The following POT1 variants were observed in gnomAD, a reference collection of about 807,000 sequenced individuals.
The protein encoded by POT1 is protection of telomeres 1.
POT1 carries 47 observed loss-of-function variants against 78.5 expected under a neutral mutation model. The ratio of observed to expected loss-of-function variants is 0.60; its 90% CI spans 0.47 to 0.76. The LOEUF (loss-of-function observed/expected upper bound fraction) is 0.76. POT1 is among the 30% of genes least tolerant of loss of function. The pLI, the probability that POT1 is intolerant of heterozygous loss-of-function variation, is 0.00. For synonymous variants in POT1, 259 were observed against 260.7 expected (o/e 0.99, Z 0.06); for missense variants, 646 against 749.9 (o/e 0.86, Z 1.62).
chr7:124,918,702 A>G (rs1797075785), intron 2 of POT1, among the ~76,000 whole-genome samples: 1 of 152,156 alleles, frequency 6.6e-6, no homozygotes, highest in Non-Finnish European at 1.5e-5. Context: ...GATGTCCCAG[A>G]ATTACATGTT....
chr7:124,909,954 C>T (rs1482449144), intron 3 of POT1, among the ~76,000 whole-genome samples: 1 of 151,848 alleles, frequency 6.6e-6, no homozygotes, highest in Non-Finnish European at 1.5e-5. Context: ...AAACACATCT[C>T]TAAAATATCC....
At chr7:124,861,523 G>C (rs1328306190) in intron 8 of POT1, among the ~76,000 whole-genome samples, 5 of 132,596 alleles carry the variant, frequency 3.8e-5, no homozygotes, top group Admixed American at 7.7e-5. Flanking sequence ...TGGACAGATT[G>C]CAAAAATTTT....
chr7:124,829,839 A>C (rs1398250660), intron 15 of POT1, among the ~76,000 whole-genome samples: 6 of 151,992 alleles, frequency 3.9e-5, no homozygotes, highest in Admixed American at 3.9e-4. Flanking sequence ...AGCTAGAACC[A>C]CAGTTGCACA....
intron 9 of POT1, among the ~76,000 whole-genome samples, chr7:124,857,888 A>C (rs1197754741): frequency 6.6e-6 from 1 of 152,122 alleles, no homozygotes; most frequent in Non-Finnish European, 1.5e-5. Context: ...GACAGAGCTA[A>C]AACAGTACTG....
intron 6 of POT1, among the ~76,000 whole-genome samples, chr7:124,879,617 C>T (rs1333952208): frequency 1.3e-5 from 2 of 151,870 alleles, no homozygotes; most frequent in Admixed American, 6.6e-5. Context: ...AGGGGGCTAC[C>T]GTTATTTAAG....
At chr7:124,843,531 G>A (rs1795082979) in intron 12 of POT1, among the ~76,000 whole-genome samples, 1 of 151,588 alleles carries the variant, frequency 6.6e-6, no homozygotes, top group African/African-American at 2.4e-5. Context: ...AGGAGGGAGA[G>A]GAAAAATAAG....
chr7:124,846,786 A>G (rs1370470663), intron 12 of POT1, among the ~76,000 whole-genome samples, 156 bp downstream of exon 12: 6 of 152,218 alleles, frequency 3.9e-5, no homozygotes, highest in African/African-American at 1.4e-4. Flanking sequence ...TATGCCAACA[A>G]GACACGGTAG....
chr7:124,831,400 T>C (rs947875693), intron 15 of POT1, among the ~76,000 whole-genome samples: 4 of 152,202 alleles, frequency 2.6e-5, no homozygotes, highest in African/African-American at 9.7e-5. Flanking sequence ...TAATATCATA[T>C]CTTAGTAATA....
intron 3 of POT1, among the ~76,000 whole-genome samples, chr7:124,910,125 C>T (rs1161226975): frequency 1.3e-5 from 2 of 151,752 alleles, no homozygotes; most frequent in African/African-American, 4.8e-5. Context: ...CTAAAAAAAG[C>T]ATAGCAGTGT....
At chr7:124,920,505 C>T (rs1345627433) in intron 2 of POT1, among the ~76,000 whole-genome samples, 2 of 151,980 alleles carry the variant, frequency 1.3e-5, no homozygotes, top group Non-Finnish European at 2.9e-5. Flanking sequence ...TGCACGTATT[C>T]GTCAAAACTC....
intron 7 of POT1, among the ~76,000 whole-genome samples, chr7:124,869,210 GAA>G (rs1420927325): frequency 6.6e-6 from 1 of 152,072 alleles, no homozygotes; most frequent in Non-Finnish European, 1.5e-5. Context: ...AATACTTATT[GAA>G]AAAAGTCTGC....
chr7:124,838,669 G>A (rs778716282), intron 14 of POT1, among the ~76,000 whole-genome samples: 1 of 151,786 alleles, frequency 6.6e-6, no homozygotes, highest in African/African-American at 2.4e-5. Flanking sequence ...GCAATGGCGC[G>A]ATCTCGGCTC....
At chr7:124,844,505 G>A (rs182619902) in intron 12 of POT1, among the ~76,000 whole-genome samples, 62 of 149,512 alleles carry the variant, frequency 4.1e-4, no homozygotes, top group Admixed American at 1.1e-3. Flanking sequence ...GGGAGGCCGA[G>A]GCGGGTAGAT....
chr7:124,828,014 C>T (rs554854434), intron 16 of POT1, among the ~76,000 whole-genome samples: 48 of 152,008 alleles, frequency 3.2e-4, no homozygotes, highest in Non-Finnish European at 6.3e-4. Flanking sequence ...GCCTGGGCGA[C>T]AGAGTAAGGC....
chr7:124,832,773 G>A (rs1231079612), intron 15 of POT1, among the ~76,000 whole-genome samples: 1 of 147,024 alleles, frequency 6.8e-6, no homozygotes, highest in African/African-American at 2.5e-5. Context: ...AGTGAGCTGA[G>A]ATCATGCCAC....
chr7:124,840,870 C>T (rs1795009249), intron 14 of POT1, 103 bp downstream of exon 14: 18 of 839,328 alleles, frequency 2.1e-5, no homozygotes, highest in Non-Finnish European at 3.2e-5. Flanking sequence ...ACTATTTTTA[C>T]TTTATATGTA....
At chr7:124,845,111 T>C (rs1468946392) in intron 12 of POT1, among the ~76,000 whole-genome samples, 1 of 152,178 alleles carries the variant, frequency 6.6e-6, no homozygotes, top group Non-Finnish European at 1.5e-5. Context: ...TTACAGGCAA[T>C]TTTCAACATT....
rs1487490244 is a variant in POT1, at chr7:124,842,862, TA to T, written c.1107del (p.Tyr369Ter). ...QYRIRAKLRS[Y>X]KPRRLFQSVK... Reference sequence around the variant, plus strand: ...ACAGACTGAAATAGTCTTCTGGGCTTATATGACCTCAATTTTGCTCGGATGC... The same window carrying T: ...ACAGACTGAAATAGTCTTCTGGGCTTTATGACCTCAATTTTGCTCGGATGC... On this transcript the variant is annotated frameshift_variant, in exon 13 of 19. Transcript: ENST00000357628. LOFTEE classifies it high-confidence loss of function. 3 of 1,610,862 alleles carry T rather than the reference TA, an allele frequency of 1.9e-6. No homozygotes were observed. In the African/African-American group the frequency reaches 4.0e-5, roughly 22 times the overall value.
At chr7:124,886,212 T>C (rs1471008725) in intron 6 of POT1, among the ~76,000 whole-genome samples, 1 of 152,240 alleles carries the variant, frequency 6.6e-6, no homozygotes. Context: ...TAGCTAATGA[T>C]ATGTAACAGA....
Sources: gnomAD v4.1 joint callset for allele counts (sites outside exome capture counted in the v4.1 genomes callset) on GRCh38, gnomAD v4.1.1 for gene constraint, MANE v1.5 for transcripts, NCBI Gene and HGNC (gene_info 2026-07-23, HGNC 2026-07-21) for gene names.